Variants in CCDC178 observed in about 807,000 individuals in gnomAD.
CCDC178 encodes coiled-coil domain containing 178, also known as coiled-coil domain-containing protein 178.
In CCDC178, 126 loss-of-function variants were observed where a neutral mutation model predicts 117.4. The ratio of observed to expected loss-of-function variants is 1.07; its 90% CI spans 0.93 to 1.24. The LOEUF (loss-of-function observed/expected upper bound fraction) is 1.24, where lower values mean the gene tolerates loss of function less well. Among genes scored for constraint, CCDC178 ranks in the 50% most tolerant of loss-of-function variants. The probability of loss-of-function intolerance (pLI) is 0.00; values close to 1 mark genes in which losing one functional copy is unlikely to be tolerated. For missense variants in CCDC178, 1,030 were observed against 986.9 expected (o/e 1.04, Z -0.59); for synonymous variants, 283 against 313.4 (o/e 0.90, Z 1.02).
chr18:33,167,126 C>A (rs1246203552), intron 20 of CCDC178, among the ~76,000 whole-genome samples: 1 of 152,134 alleles, frequency 6.6e-6, no homozygotes, highest in Non-Finnish European at 1.5e-5. Flanking sequence ...TTTTTAATGG[C>A]TGCATAGTAT....
At chr18:33,251,736 T>C (rs1378857427) in intron 14 of CCDC178, among the ~76,000 whole-genome samples, 1 of 151,744 alleles carries the variant, frequency 6.6e-6, no homozygotes, top group African/African-American at 2.4e-5. Context: ...GTATTCATAA[T>C]ATTGTTTTCT....
At chr18:33,101,091 A>G (rs1366185880) in intron 20 of CCDC178, among the ~76,000 whole-genome samples, 2 of 151,826 alleles carry the variant, frequency 1.3e-5, no homozygotes, top group African/African-American at 4.8e-5. Context: ...TAAATTTATT[A>G]ATTGTGTATT....
At chr18:33,249,797 C>T (rs1003138297) in intron 14 of CCDC178, among the ~76,000 whole-genome samples, 1 of 151,994 alleles carries the variant, frequency 6.6e-6, no homozygotes, top group Non-Finnish European at 1.5e-5. Flanking sequence ...TTTTCCAATT[C>T]TGTGAAGAAA....
chr18:33,021,845 T>C (rs2056125784), intron 21 of CCDC178, among the ~76,000 whole-genome samples: 1 of 152,196 alleles, frequency 6.6e-6, no homozygotes, highest in South Asian at 2.1e-4. Context: ...TATTGCCTCT[T>C]AGTGGTGGCT....
intron 20 of CCDC178, among the ~76,000 whole-genome samples, chr18:33,154,434 T>C (rs2058371705): frequency 6.6e-6 from 1 of 152,146 alleles, no homozygotes; most frequent in Non-Finnish European, 1.5e-5. Context: ...AGAGAAGGAC[T>C]TTAAAGCAGC....
chr18:33,145,883 C>T (rs1203746074), intron 20 of CCDC178, among the ~76,000 whole-genome samples: 1 of 152,092 alleles, frequency 6.6e-6, no homozygotes, highest in African/African-American at 2.4e-5. Flanking sequence ...GATTAGAAAT[C>T]AAAAGATATA....
intron 21 of CCDC178, among the ~76,000 whole-genome samples, chr18:33,030,101 T>C (rs2056306411): frequency 6.6e-6 from 1 of 152,070 alleles, no homozygotes; most frequent in Non-Finnish European, 1.5e-5. Context: ...CTGAATTATC[T>C]ATTTCTCTCT....
At chr18:33,230,181 T>C (rs532037720) in intron 15 of CCDC178, among the ~76,000 whole-genome samples, 1 of 152,268 alleles carries the variant, frequency 6.6e-6, no homozygotes, top group South Asian at 2.1e-4. Context: ...CTCCACTGAA[T>C]ATGCATCACT....
chr18:33,395,025 G>C (rs2063617627), intron 4 of CCDC178, among the ~76,000 whole-genome samples: 1 of 125,904 alleles, frequency 7.9e-6, no homozygotes, highest in East Asian at 2.4e-4. Flanking sequence ...CAAACTACTA[G>C]GACAAAATCT....
intron 3 of CCDC178, among the ~76,000 whole-genome samples, chr18:33,407,458 A>G (rs928633073): frequency 1.3e-5 from 2 of 152,120 alleles, no homozygotes; most frequent in Non-Finnish European, 2.9e-5. Context: ...ATACAAAGCA[A>G]AATAACAACA....
intron 22 of CCDC178, among the ~76,000 whole-genome samples, chr18:32,966,944 CTT>C (rs1434392823): frequency 6.6e-6 from 1 of 151,600 alleles, no homozygotes; most frequent in Admixed American, 6.6e-5. Context: ...AAATAACTGT[CTT>C]ATTAATTCTA....
intron 22 of CCDC178, among the ~76,000 whole-genome samples, chr18:32,958,679 G>A (rs2054642757): frequency 6.6e-6 from 1 of 152,182 alleles, no homozygotes; most frequent in Non-Finnish European, 1.5e-5. Context: ...CCCTACTAAG[G>A]TACATAGAAG....
chr18:33,314,187 C>A (rs1485548902), intron 11 of CCDC178, among the ~76,000 whole-genome samples: 2 of 112,904 alleles, frequency 1.8e-5, no homozygotes, highest in African/African-American at 3.5e-5. Context: ...GGTGACAGAG[C>A]GAGACTCCGT....
intron 21 of CCDC178, among the ~76,000 whole-genome samples, chr18:33,088,151 G>A (rs2057410304): frequency 6.6e-6 from 1 of 151,800 alleles, no homozygotes; most frequent in African/African-American, 2.4e-5. Flanking sequence ...TAGCATGGAA[G>A]CAGAGATAAG....
At chr18:33,211,169 A>G (rs2059104288) in intron 20 of CCDC178, among the ~76,000 whole-genome samples, 1 of 151,884 alleles carries the variant, frequency 6.6e-6, no homozygotes, top group South Asian at 2.1e-4. Flanking sequence ...CTTTCACAGA[A>G]AAGAGTTTTA....
intron 21 of CCDC178, among the ~76,000 whole-genome samples, chr18:33,025,532 C>A (rs973748481): frequency 1.3e-5 from 2 of 151,688 alleles, no homozygotes; most frequent in African/African-American, 4.8e-5. Flanking sequence ...TAAAAATGGT[C>A]AAAACTCAAA....
At chr18:33,236,619 G>A (rs2059429812) in intron 15 of CCDC178, among the ~76,000 whole-genome samples, 1 of 152,144 alleles carries the variant, frequency 6.6e-6, no homozygotes, top group Non-Finnish European at 1.5e-5. Context: ...AAGGGAGAGT[G>A]ACATCAACAA....
chr18:33,335,388 T>C (rs897439063), intron 9 of CCDC178, among the ~76,000 whole-genome samples: 5 of 152,062 alleles, frequency 3.3e-5, no homozygotes, highest in Non-Finnish European at 1.5e-5. Flanking sequence ...TTTTATGTTT[T>C]TTACCCTCAC....
intron 5 of CCDC178, among the ~76,000 whole-genome samples, chr18:33,378,019 T>C (rs559588843): frequency 4.1e-4 from 63 of 152,356 alleles, no homozygotes; most frequent in African/African-American, 1.4e-3. Context: ...GCGTTGAATA[T>C]GTAGATTGCT....
Sources: gnomAD v4.1 joint callset for allele counts (sites outside exome capture counted in the v4.1 genomes callset) on GRCh38, gnomAD v4.1.1 for gene constraint, MANE v1.5 for transcripts, NCBI Gene and HGNC (gene_info 2026-07-23, HGNC 2026-07-21) for gene names.